Variants in CYTH3 observed in about 807,000 individuals in gnomAD.
CYTH3 encodes cytohesin-3.
A neutral mutation model predicts 55.1 loss-of-function variants in CYTH3; 23 were observed. The ratio of observed to expected loss-of-function variants is 0.42; its 90% CI spans 0.30 to 0.59. The LOEUF is 0.59. Among genes scored for constraint, CYTH3 ranks in the 20% least tolerant of loss-of-function variants. The pLI is 0.20. For missense variants in CYTH3, 413 were observed against 524.8 expected, an observed-to-expected ratio of 0.79 and a Z score of 2.08; for synonymous variants, 249 against 194.9, an observed-to-expected ratio of 1.28 and a Z score of -2.31.
intron 1 of CYTH3, among the ~76,000 whole-genome samples, chr7:6,267,240 T>C (rs1780521303): frequency 6.6e-6 from 1 of 152,186 alleles, no homozygotes; most frequent in Non-Finnish European, 1.5e-5. Flanking sequence ...ATGAAACCTC[T>C]TTCCTTTATA....
intron 1 of CYTH3, among the ~76,000 whole-genome samples, chr7:6,199,468 CA>C (rs1358729364): frequency 1.9e-4 from 29 of 152,178 alleles, no homozygotes; most frequent in African/African-American, 5.5e-4. Context: ...GGCAACATAG[CA>C]AGAACCTATC....
intron 1 of CYTH3, among the ~76,000 whole-genome samples, chr7:6,230,360 A>G (rs1779361200): frequency 6.6e-6 from 1 of 152,228 alleles, no homozygotes; most frequent in Admixed American, 6.5e-5. Context: ...CCTACAGTTA[A>G]GATACCTATT....
intron 1 of CYTH3, among the ~76,000 whole-genome samples, chr7:6,201,257 C>A (rs1025231202): frequency 6.6e-6 from 1 of 152,192 alleles, no homozygotes; most frequent in Non-Finnish European, 1.5e-5. Flanking sequence ...CACGTGTTAG[C>A]AACAACGGAA....
intron 4 of CYTH3, among the ~76,000 whole-genome samples, chr7:6,182,905 G>T (rs1783545460): frequency 1.3e-5 from 2 of 152,160 alleles, no homozygotes; most frequent in Non-Finnish European, 2.9e-5. Flanking sequence ...CAAACGCTTG[G>T]TGGTGCTTGG....
Position 6,170,775 on chromosome 7 carries a change from C to A in CYTH3, c.711+55G>T. The A allele has an allele frequency of 1.3e-6, 2 of 1,579,616 alleles. No individual in the cohort carries two copies. The highest frequency in any genetic ancestry group is 1.7e-6 in the Non-Finnish European group (2 of 1,162,454). Reference sequence around the variant, plus strand: ...TGTCTAGAGCCGCGGGCGCTGCGGCCGCTCACAGCGAAGAGATCCTGCAGA... The same window carrying A: ...TGTCTAGAGCCGCGGGCGCTGCGGCAGCTCACAGCGAAGAGATCCTGCAGA... On this transcript the variant is annotated intron_variant, in intron 8 of 12. Transcript: ENST00000350796. This position sits in a 1 kb window ranked among gnomAD's most constrained non-coding sequence, Gnocchi z 7.8.
intron 1 of CYTH3, among the ~76,000 whole-genome samples, chr7:6,204,195 T>C (rs1784132356): frequency 6.6e-6 from 1 of 152,190 alleles, no homozygotes; most frequent in African/African-American, 2.4e-5. Flanking sequence ...CATCTTACAA[T>C]TGATACAGAC....
At chr7:6,209,071 T>C (rs1784265225) in intron 1 of CYTH3, among the ~76,000 whole-genome samples, 1 of 152,214 alleles carries the variant, frequency 6.6e-6, no homozygotes, top group Non-Finnish European at 1.5e-5. Flanking sequence ...CCTTAAATCA[T>C]GAATGCAACA....
At chr7:6,190,075 A>G (rs181213633) in intron 2 of CYTH3, among the ~76,000 whole-genome samples, 42 of 152,242 alleles carry the variant, frequency 2.8e-4, no homozygotes, top group African/African-American at 9.6e-4. Flanking sequence ...AAAACATATT[A>G]GTTAACGAAA....
intron 1 of CYTH3, among the ~76,000 whole-genome samples, chr7:6,228,605 G>C (rs754639055): frequency 6.6e-6 from 1 of 152,110 alleles, no homozygotes; most frequent in Non-Finnish European, 1.5e-5. Context: ...GGAAGCAAAA[G>C]AACTTCTTAT....
chr7:6,162,069 CTA>C lies in CYTH3; in HGVS notation c.*2873_*2874del, dbSNP rs1782841406. On this transcript the variant is annotated 3_prime_UTR_variant, in exon 13 of 13. Transcript: ENST00000350796. The stretch of plus-strand genomic sequence containing the variant: ...GACCTAACTTCTCAGCAAAGCATAT[CTA>C]TGTAGATATCTGCGTTTGTAACTTT... 1 of 152,660 alleles carries C rather than the reference CTA, an allele frequency of 6.6e-6. No individual in the cohort carries two copies. Among genetic ancestry groups the C allele is most frequent in the Admixed American group, 6.5e-5 (1 of 15,288 alleles). 9.5% of individuals were successfully genotyped at this position (152,660 alleles called of 1,614,324 possible). A position where few individuals can be genotyped will look rare whatever the true frequency, so the allele number is the denominator to read the frequency against.
intron 1 of CYTH3, among the ~76,000 whole-genome samples, chr7:6,263,639 T>C (rs565368848): frequency 8.6e-4 from 130 of 151,412 alleles, no homozygotes; most frequent in African/African-American, 3.0e-3. Context: ...CTACTAAAAA[T>C]ACTAAAAATT....
intron 1 of CYTH3, among the ~76,000 whole-genome samples, chr7:6,251,393 A>C (rs1779960212): frequency 6.6e-6 from 1 of 151,454 alleles, no homozygotes; most frequent in Admixed American, 6.6e-5. Flanking sequence ...GACATGTAGG[A>C]AGTTTCTTGA....
At chr7:6,185,349 G>C (rs1235553139) in intron 4 of CYTH3, among the ~76,000 whole-genome samples, 3 of 151,374 alleles carry the variant, frequency 2.0e-5, no homozygotes, top group Non-Finnish European at 4.4e-5. Context: ...CTTTTGGGAG[G>C]CTGAGGTGGG....
chr7:6,193,091 GAA>G (rs1307499221), intron 1 of CYTH3, among the ~76,000 whole-genome samples: 1 of 152,070 alleles, frequency 6.6e-6, no homozygotes, highest in Non-Finnish European at 1.5e-5. Context: ...AGAATCGCTT[GAA>G]ACAGGAAAGC....
intron 2 of CYTH3, 63 bp downstream of exon 2, chr7:6,190,385 TA>T: frequency 8.2e-7 from 1 of 1,212,284 alleles, no homozygotes; most frequent in Non-Finnish European, 1.1e-6. Context: ...GCTACTCTTT[TA>T]CTATTTTACT....
intron 1 of CYTH3, among the ~76,000 whole-genome samples, chr7:6,227,616 T>G (rs1779288862): frequency 6.6e-6 from 1 of 152,186 alleles, no homozygotes; most frequent in Admixed American, 6.5e-5. Context: ...ACAAAAGGCT[T>G]TAGGCAGCTT....
chr7:6,187,243 G>C (rs1783678090), intron 3 of CYTH3, 127 bp from the exon 4 acceptor site: 2 of 976,840 alleles, frequency 2.0e-6, no homozygotes, highest in Non-Finnish European at 3.2e-6. Flanking sequence ...CCTCACGGAG[G>C]GGCCCCCAGT....
At chr7:6,193,408 A>G (rs986614656) in intron 1 of CYTH3, among the ~76,000 whole-genome samples, 17 of 152,004 alleles carry the variant, frequency 1.1e-4, no homozygotes, top group African/African-American at 4.1e-4. Flanking sequence ...GACATCCACT[A>G]AAACTGTAGT....
rs972161585 is a variant in CYTH3, at chr7:6,170,772, G to C, written c.711+58C>G. 10 of 1,577,300 alleles carry C rather than the reference G, an allele frequency of 6.3e-6. No homozygotes were observed. The highest frequency in any genetic ancestry group is 4.0e-5 in the African/African-American group (3 of 74,148). ...GCGTGTCTAGAGCCGCGGGCGCTGCGGCCGCTCACAGCGAAGAGATCCTGC... is the reference window on the plus strand; with the variant it reads ...GCGTGTCTAGAGCCGCGGGCGCTGCCGCCGCTCACAGCGAAGAGATCCTGC... On this transcript the variant is annotated intron_variant, in intron 8 of 12. Transcript: ENST00000350796. The surrounding 1 kb of genome is among the most constrained non-coding windows in gnomAD (Gnocchi z 7.8).
Sources: gnomAD v4.1 joint callset for allele counts (sites outside exome capture counted in the v4.1 genomes callset) on GRCh38, gnomAD v4.1.1 for gene constraint, Gnocchi (gnomAD v3.1) non-coding constraint, MANE v1.5 for transcripts, NCBI Gene and HGNC (gene_info 2026-07-23, HGNC 2026-07-21) for gene names.